KANSL2: variants seen among roughly 807,000 people sequenced by gnomAD.
The protein encoded by KANSL2 is KAT8 regulatory NSL complex subunit 2.
KANSL2 carries 34 observed loss-of-function variants against 55.6 expected under a neutral mutation model. The ratio of observed to expected loss-of-function variants is 0.61; its 90% CI spans 0.46 to 0.81. KANSL2 has a LOEUF of 0.81. Ranked by LOEUF, KANSL2 falls within the 40% of genes least tolerant of loss-of-function variation. KANSL2 has a pLI of 0.00. For missense variants in KANSL2, 502 were observed against 609.9 expected, an observed-to-expected ratio of 0.82 and a Z score of 1.86; for synonymous variants, 209 against 214.3, an observed-to-expected ratio of 0.98 and a Z score of 0.22.
chr12:48,655,508 G>A (rs886814744), intron 8 of KANSL2, among the ~76,000 whole-genome samples: 13 of 151,744 alleles, frequency 8.6e-5, no homozygotes, highest in African/African-American at 2.9e-4. Flanking sequence ...CGCAGAGGCT[G>A]CAGTGAGCCG....
intron 6 of KANSL2, among the ~76,000 whole-genome samples, chr12:48,668,517 T>C (rs2137190615): frequency 6.6e-6 from 1 of 152,250 alleles, no homozygotes; most frequent in South Asian, 2.1e-4. Context: ...CTGACCAACA[T>C]GGAGAAACCC....
intron 7 of KANSL2, among the ~76,000 whole-genome samples, chr12:48,662,807 GTAT>G (rs1208357985): frequency 6.6e-6 from 1 of 151,956 alleles, no homozygotes; most frequent in Non-Finnish European, 1.5e-5. Flanking sequence ...TTTGACTACA[GTAT>G]TATAATATCT....
intron 9 of KANSL2, 29 bp downstream of exon 9, chr12:48,654,912 G>A: frequency 1.9e-6 from 3 of 1,552,814 alleles, no homozygotes; most frequent in Non-Finnish European, 2.6e-6. Flanking sequence ...ACTACATGAG[G>A]GAAACAGGTG....
intron 8 of KANSL2, among the ~76,000 whole-genome samples, chr12:48,658,146 G>A (rs1430039268): frequency 6.6e-6 from 1 of 152,060 alleles, no homozygotes; most frequent in African/African-American, 2.4e-5. Context: ...CCGGAGAATC[G>A]CTTGAACCCA....
chr12:48,655,954 G>A (rs562020868), intron 8 of KANSL2, among the ~76,000 whole-genome samples: 63 of 152,210 alleles, frequency 4.1e-4, no homozygotes, highest in Non-Finnish European at 6.3e-4. Context: ...ATTTTGTTAT[G>A]TATGTTTTAC....
At chr12:48,668,915 AATCCCAGCTAC>A (rs1794720120) in intron 6 of KANSL2, among the ~76,000 whole-genome samples, 180 bp downstream of exon 6, 1 of 152,136 alleles carries the variant, frequency 6.6e-6, no homozygotes, top group Non-Finnish European at 1.5e-5. Flanking sequence ...GGGCACCTGT[AATCCCAGCTAC>A]TCGGGAGGCT....
At chr12:48,668,598 C>A (rs776935347) in intron 6 of KANSL2, among the ~76,000 whole-genome samples, 229 of 152,268 alleles carry the variant, frequency 1.5e-3, no homozygotes, top group Non-Finnish European at 2.6e-3. Context: ...ACTCAGGAGG[C>A]TGAGGGAGGA....
chr12:48,681,958 T>C (rs1649596335), intron 1 of KANSL2: 3 of 702,864 alleles, frequency 4.3e-6, no homozygotes, highest in South Asian at 1.5e-5. Context: ...CACGCCGCCT[T>C]TGTCCCGGCC....
intron 8 of KANSL2, among the ~76,000 whole-genome samples, chr12:48,658,894 T>A (rs1473552554): frequency 1.3e-5 from 2 of 152,234 alleles, no homozygotes; most frequent in African/African-American, 4.8e-5. Flanking sequence ...CATCCTTGCA[T>A]CAAAGCACAG....
chr12:48,661,282 G>GA (rs144698431), intron 7 of KANSL2: 16,555 of 728,036 alleles, frequency 0.023, 127 homozygotes, highest in African/African-American at 0.04. Flanking sequence ...AAGGCCCATT[G>GA]AAAAAAAAAA....
chr12:48,659,415 G>A (rs536260423), intron 8 of KANSL2, among the ~76,000 whole-genome samples: 1 of 151,968 alleles, frequency 6.6e-6, no homozygotes, highest in African/African-American at 2.4e-5. Flanking sequence ...CTTGAGCCTA[G>A]GAGTTGAAGA....
At chr12:48,681,903 G>A in intron 1 of KANSL2, 2 of 703,732 alleles carry the variant, frequency 2.8e-6, no homozygotes, top group East Asian at 2.7e-5. Context: ...AGCACGAAGG[G>A]AAGCGACAAC....
At chr12:48,677,992 C>T (rs1939855700) in intron 4 of KANSL2, among the ~76,000 whole-genome samples, 1 of 152,006 alleles carries the variant, frequency 6.6e-6, no homozygotes, top group Non-Finnish European at 1.5e-5. Flanking sequence ...CCCTAACATA[C>T]GGCCATACTA....
chr12:48,664,317 G>A (rs147983826), intron 7 of KANSL2, among the ~76,000 whole-genome samples: 59 of 148,362 alleles, frequency 4.0e-4, no homozygotes, highest in Non-Finnish European at 6.2e-4. Flanking sequence ...CACATCTGTC[G>A]CCCAGGCTGG....
chr12:48,681,364 A>ATATC lies in KANSL2; in HGVS notation c.251+14_251+17dup. On this transcript the variant is annotated intron_variant, in intron 2 of 9. Transcript: ENST00000420613. ...CCTCGCTTTAAGAAAAACGACATAT[A>ATATC]TATCTATACATATATACCCATCTTT... The ATATC allele has an allele frequency of 6.3e-7, 1 of 1,587,936 alleles. No individual in the cohort carries two copies. The highest frequency in any genetic ancestry group is 1.7e-4 in the Middle Eastern group (1 of 5,888).
rs1939346617 is a variant in KANSL2, at chr12:48,654,840, A to G, written c.1347+101T>C. On this transcript the variant is annotated intron_variant, in intron 9 of 9. Coordinates refer to ENST00000420613, the MANE Select transcript of KANSL2 (RefSeq NM_017822.4). ...GTGGAGCATCTTTATACTAGTGATG[A>G]CACCCCACTCCCCTCCAGGAGCACA... The G allele has an allele frequency of 3.3e-6, 4 of 1,210,234 alleles. No individual in the cohort carries two copies. The East Asian group carries it at 1.0e-4, about 31-fold the overall frequency. The allele number at this position is 1,210,234 out of a possible 1,614,324, so 75.0% of individuals were successfully genotyped here.
At chr12:48,665,588 G>A (rs756232943) in intron 7 of KANSL2, among the ~76,000 whole-genome samples, 9 of 152,030 alleles carry the variant, frequency 5.9e-5, no homozygotes, top group Non-Finnish European at 1.2e-4. Context: ...AAGAAAATAA[G>A]TTTTAATTTC....
intron 7 of KANSL2, 182 bp downstream of exon 7, chr12:48,667,511 A>G (rs1461948217): frequency 4.1e-6 from 3 of 731,544 alleles, no homozygotes; most frequent in Non-Finnish European, 5.1e-6. Flanking sequence ...TGAAATGGCC[A>G]ACAGACCATA....
At chr12:48,667,217 T>C in intron 7 of KANSL2, among the ~76,000 whole-genome samples, 1 of 151,904 alleles carries the variant, frequency 6.6e-6, no homozygotes. Context: ...AATACAGAAG[T>C]GAGGGCCCTA....
Sources: gnomAD v4.1 joint callset for allele counts (sites outside exome capture counted in the v4.1 genomes callset) on GRCh38, gnomAD v4.1.1 for gene constraint, MANE v1.5 for transcripts, NCBI Gene and HGNC (gene_info 2026-07-23, HGNC 2026-07-21) for gene names.